Variants in ELK4 observed in about 807,000 individuals in gnomAD.
The protein encoded by ELK4 is ETS transcription factor ELK4.
ELK4 carries 16 observed loss-of-function variants against 29.6 expected under a neutral mutation model. The ratio of observed to expected loss-of-function variants is 0.54; its 90% CI spans 0.37 to 0.82. The LOEUF is 0.82. Among genes scored for constraint, ELK4 ranks in the 40% least tolerant of loss-of-function variants. The pLI is 0.00. For synonymous variants in ELK4, 213 were observed against 191.1 expected (o/e 1.11, Z -0.95); for missense variants, 465 against 507.1 (o/e 0.92, Z 0.80).
Position 205,627,305 on chromosome 1 carries a change from C to T in ELK4, c.-9-3414G>A, listed in dbSNP as rs1237212243. On this transcript the variant is annotated intron_variant, in intron 1 of 4. Coordinates refer to ENST00000357992, the MANE Select transcript of ELK4 (RefSeq NM_001973.4). ...TGGGCTGATCACAAGGTCAGAAGAT[C>T]GAGACCATCCTGTCTAACACAGTGA... Among the ~76,000 whole-genome samples the T allele has an allele frequency of 8.5e-5, 13 of 152,072 alleles. No homozygotes were observed. In the South Asian group the frequency reaches 2.3e-3, roughly 27 times the overall value.
chr1:205,629,782 T>C (rs1270057944), intron 1 of ELK4, among the ~76,000 whole-genome samples: 2 of 151,612 alleles, frequency 1.3e-5, no homozygotes, highest in Non-Finnish European at 1.5e-5. Context: ...TTAAAAATTA[T>C]GTGGTTGCTT....
chr1:205,612,297 C>T lies in ELK4; in HGVS notation c.*4249G>A. On this transcript the variant is annotated 3_prime_UTR_variant, in exon 5 of 5. Coordinates refer to ENST00000357992, the MANE Select transcript of ELK4 (RefSeq NM_001973.4). ...GTTTGGAGATTAGAATGAGAATATC[C>T]TGAGTCAGCAGTCTTTAGGAAAAGC... 4.8e-6 allele frequency: 1 copy of T among 208,508 alleles called. No homozygotes were observed. Among genetic ancestry groups the T allele is most frequent in the Non-Finnish European group, 9.8e-6 (1 of 102,462 alleles). 12.9% of individuals were successfully genotyped at this position (208,508 alleles called of 1,614,324 possible). A position where few individuals can be genotyped will look rare whatever the true frequency, so the allele number is the denominator to read the frequency against.
chr1:205,625,192 T>C (rs544618621), intron 1 of ELK4, among the ~76,000 whole-genome samples: 1 of 151,848 alleles, frequency 6.6e-6, no homozygotes, highest in East Asian at 1.9e-4. Flanking sequence ...CTGCAAATAA[T>C]GCCATCAAGT....
chr1:205,627,590 G>A (rs945357164), intron 1 of ELK4, among the ~76,000 whole-genome samples: 1 of 151,844 alleles, frequency 6.6e-6, no homozygotes, highest in Non-Finnish European at 1.5e-5. Context: ...TACACCTAAG[G>A]AGGTGAATTT....
rs142568051 is a variant in ELK4, at chr1:205,609,245, C to T, written c.*7301G>A. 201 of 187,850 alleles carry T rather than the reference C, an allele frequency of 1.1e-3. No homozygotes were observed. The highest frequency in any genetic ancestry group is 4.4e-3 in the African/African-American group (190 of 42,862). The allele number at this position is 187,850 out of a possible 1,614,324, so 11.6% of individuals were successfully genotyped here. A position where few individuals can be genotyped will look rare whatever the true frequency, so the allele number is the denominator to read the frequency against. On this transcript the variant is annotated 3_prime_UTR_variant, in exon 5 of 5. Transcript: ENST00000357992. ...AAAGTTACATACCCTTATTTTTTAG[C>T]CAATTTGATTATTTGGTAAAGCAAG...
rs1483486948 is a variant in ELK4, at chr1:205,619,887, G to A, written c.1080+79C>T. 3.1e-6 allele frequency: 5 copies of A among 1,612,722 alleles called. No homozygotes were observed. In the Admixed American group the frequency reaches 5.0e-5, roughly 16 times the overall value. On this transcript the variant is annotated intron_variant, in intron 3 of 4. Transcript: ENST00000357992. ...AACCTAAGTAACAGAAAGCAAACTT[G>A]AGTGTATAAATTCTGGATTTGCTTA...
In ELK4 at chr1:205,610,949, A is replaced by G. The variant is rs920908723; in HGVS notation, c.*5597T>C. The G allele has an allele frequency of 4.4e-5, 10 of 226,468 alleles. No homozygotes were observed. Among genetic ancestry groups the G allele is most frequent in the African/African-American group, 2.2e-4 (10 of 45,004 alleles). 14.0% of individuals were successfully genotyped at this position (226,468 alleles called of 1,614,324 possible). A position where few individuals can be genotyped will look rare whatever the true frequency, so the allele number is the denominator to read the frequency against. ...AACTTCCTGATGTGGACTATACTCAAATGATTAGCACTCAAGAGATTAACT... is the reference window on the plus strand; with the variant it reads ...AACTTCCTGATGTGGACTATACTCAGATGATTAGCACTCAAGAGATTAACT... On this transcript the variant is annotated 3_prime_UTR_variant, in exon 5 of 5. Coordinates refer to ENST00000357992, the MANE Select transcript of ELK4 (RefSeq NM_001973.4).
chr1:205,610,107 T>C lies in ELK4; in HGVS notation c.*6439A>G. 4.3e-6 allele frequency: 1 copy of C among 232,150 alleles called. No individual in the cohort carries two copies. Among genetic ancestry groups the C allele is most frequent in the Admixed American group, 5.6e-5 (1 of 17,760 alleles). The allele number at this position is 232,150 out of a possible 1,614,324, so 14.4% of individuals were successfully genotyped here. A position where few individuals can be genotyped will look rare whatever the true frequency, so the allele number is the denominator to read the frequency against. Reference sequence around the variant, plus strand: ...ATATGGCATTCCCACCCCTGAACTTTAGGCATTCTTGAATGATTCCATTGG... The same window carrying C: ...ATATGGCATTCCCACCCCTGAACTTCAGGCATTCTTGAATGATTCCATTGG... On this transcript the variant is annotated 3_prime_UTR_variant, in exon 5 of 5. Coordinates refer to ENST00000357992, the MANE Select transcript of ELK4 (RefSeq NM_001973.4).
intron 3 of ELK4, 189 bp downstream of exon 3, chr1:205,619,777 C>G: frequency 6.6e-7 from 1 of 1,511,802 alleles, no homozygotes; most frequent in Non-Finnish European, 8.8e-7. Flanking sequence ...AGAAAATACT[C>G]CAAACTTTCT....
intron 1 of ELK4, among the ~76,000 whole-genome samples, chr1:205,625,078 C>A (rs2102383153): frequency 6.6e-6 from 1 of 152,106 alleles, no homozygotes; most frequent in East Asian, 1.9e-4. Flanking sequence ...GTAATGAGAT[C>A]TCAATGGGTT....
chr1:205,617,491 T>C (rs1405462772), intron 4 of ELK4, among the ~76,000 whole-genome samples: 1 of 152,098 alleles, frequency 6.6e-6, no homozygotes, highest in African/African-American at 2.4e-5. Context: ...GGTGAAGAGA[T>C]AATATTCATT....
At chr1:205,625,887 C>G (rs1670445008) in intron 1 of ELK4, 1 of 677,604 alleles carries the variant, frequency 1.5e-6, no homozygotes, top group Admixed American at 2.0e-5. Flanking sequence ...CCATGTTGGT[C>G]AGGCTGGTCT....
rs779858646 is a variant in ELK4, at chr1:205,631,753, G to C, written c.-131C>G. 43 of 294,426 alleles carry C rather than the reference G, an allele frequency of 1.5e-4. No homozygotes were observed. The highest frequency in any genetic ancestry group is 6.3e-4 in the African/African-American group (28 of 44,624). The allele number at this position is 294,426 out of a possible 1,614,324, so 18.2% of individuals were successfully genotyped here. A position where few individuals can be genotyped will look rare whatever the true frequency, so the allele number is the denominator to read the frequency against. ...CGCGGCAGCCGCTGCGACCCCCGCGGCGGAGCCGTAGAAGGCGGCGGCGGC... is the reference window on the plus strand; with the variant it reads ...CGCGGCAGCCGCTGCGACCCCCGCGCCGGAGCCGTAGAAGGCGGCGGCGGC... On this transcript the variant is annotated 5_prime_UTR_variant, in exon 1 of 5. Coordinates refer to ENST00000357992, the MANE Select transcript of ELK4 (RefSeq NM_001973.4).
Position 205,613,073 on chromosome 1 carries a change from TA to T in ELK4, c.*3472del, listed in dbSNP as rs35809708. 60,845 of 178,610 alleles carry T rather than the reference TA, an allele frequency of 0.34. 8,698 individuals are homozygous for T. The highest frequency in any genetic ancestry group is 0.41 in the East Asian group (4,288 of 10,544). The allele number at this position is 178,610 out of a possible 1,614,324, so 11.1% of individuals were successfully genotyped here. On this transcript the variant is annotated 3_prime_UTR_variant, in exon 5 of 5. Coordinates refer to ENST00000357992, the MANE Select transcript of ELK4 (RefSeq NM_001973.4). ...AATCCAGATTGTTTGTGCATACATT[TA>T]AAAAAAAAAAAATCAATGGAAATTT...
At position 205,621,433 on chromosome 1, in the gene ELK4, T is replaced by C. The variant is rs1237466430; in HGVS notation, c.208-595A>G. ...ATTGCTTACCACTCTCAACCAAATA[T>C]CTGTGCAGATTAGAACTCCCTGAAC... On this transcript the variant is annotated intron_variant, in intron 2 of 4. Transcript: ENST00000357992. Among the ~76,000 whole-genome samples the C allele has an allele frequency of 2.6e-5, 4 of 152,160 alleles. No individual in the cohort carries two copies. In the East Asian group the frequency reaches 7.7e-4, roughly 29 times the overall value.
rs557537438 is a variant in ELK4, at chr1:205,615,368, G to C, written c.*1178C>G. ...ATCGCGCCACTGCACTCCAGCCTGGGTGATAGAGCAAGACTCTGTCTCAAA... is the reference window on the plus strand; with the variant it reads ...ATCGCGCCACTGCACTCCAGCCTGGCTGATAGAGCAAGACTCTGTCTCAAA... On this transcript the variant is annotated 3_prime_UTR_variant, in exon 5 of 5. Coordinates refer to ENST00000357992, the MANE Select transcript of ELK4 (RefSeq NM_001973.4). 6.9e-6 allele frequency: 1 copy of C among 145,530 alleles called. No individual in the cohort carries two copies. Among genetic ancestry groups the C allele is most frequent in the African/African-American group, 2.7e-5 (1 of 37,660 alleles). The allele number at this position is 145,530 out of a possible 1,614,324, so 9.0% of individuals were successfully genotyped here. A position where few individuals can be genotyped will look rare whatever the true frequency, so the allele number is the denominator to read the frequency against.
chr1:205,625,549 G>C (rs867901647), intron 1 of ELK4: 20 of 828,032 alleles, frequency 2.4e-5, no homozygotes, highest in Middle Eastern at 4.5e-4. Flanking sequence ...AAGAAGACTG[G>C]AAAGAAATAC....
intron 3 of ELK4, 193 bp downstream of exon 3, chr1:205,619,773 T>C: frequency 6.6e-7 from 1 of 1,511,520 alleles, no homozygotes; most frequent in Non-Finnish European, 8.8e-7. Context: ...TTTAAGAAAA[T>C]ACTCCAAACT....
At chr1:205,617,573 T>A (rs546183957) in intron 4 of ELK4, among the ~76,000 whole-genome samples, 19 of 151,668 alleles carry the variant, frequency 1.3e-4, no homozygotes, top group Non-Finnish European at 2.6e-4. Flanking sequence ...GACTGTTTGA[T>A]ATACCATTTT....
Sources: gnomAD v4.1 joint callset for allele counts (sites outside exome capture counted in the v4.1 genomes callset) on GRCh38, gnomAD v4.1.1 for gene constraint, MANE v1.5 for transcripts, NCBI Gene and HGNC (gene_info 2026-07-23, HGNC 2026-07-21) for gene names.